ACACB: variants seen among roughly 807,000 people sequenced by gnomAD.
The protein encoded by ACACB is acetyl-CoA carboxylase beta, also known as acetyl-CoA carboxylase 2.
ACACB carries 209 observed loss-of-function variants against 278.8 expected under a neutral mutation model. The observed-to-expected ratio is 0.75, with a 90% CI of 0.67 to 0.84. ACACB has a LOEUF of 0.84. Among genes scored for constraint, ACACB ranks in the 40% least tolerant of loss-of-function variants. ACACB has a pLI of 0.00. For missense variants in ACACB, 2,850 were observed against 3,269.0 expected, an observed-to-expected ratio of 0.87 and a Z score of 3.13; for synonymous variants, 1,174 against 1,285.6, an observed-to-expected ratio of 0.91 and a Z score of 1.86.
upstream of ACACB, among the ~76,000 whole-genome samples, chr12:109,113,744 G>A (rs2135910048): frequency 6.6e-6 from 1 of 152,292 alleles, no homozygotes; most frequent in East Asian, 1.9e-4. Flanking sequence ...GTATGCGTGT[G>A]GTGTTGGCTT....
At chr12:109,170,448 G>T (rs867862457) in intron 4 of ACACB, among the ~76,000 whole-genome samples, 1 of 152,108 alleles carries the variant, frequency 6.6e-6, no homozygotes, top group Non-Finnish European at 1.5e-5. Flanking sequence ...AAAACATTGC[G>T]TTATGTTCAG....
intron 1 of ACACB, among the ~76,000 whole-genome samples, chr12:109,124,772 T>C (rs2042637151): frequency 6.6e-6 from 1 of 152,212 alleles, no homozygotes; most frequent in Admixed American, 6.5e-5. Flanking sequence ...TAGAGTGCAG[T>C]GGCACAATCT....
chr12:109,149,028 T>C (rs1216102341), intron 2 of ACACB, among the ~76,000 whole-genome samples: 1 of 152,190 alleles, frequency 6.6e-6, no homozygotes, highest in East Asian at 1.9e-4. Context: ...TCTCACTTCC[T>C]AGATAGGAAG....
chr12:109,188,440 TC>T (rs1264858329), intron 13 of ACACB, among the ~76,000 whole-genome samples: 2 of 130,694 alleles, frequency 1.5e-5, no homozygotes, highest in African/African-American at 5.8e-5. Flanking sequence ...CTCCTCCCCT[TC>T]CCTTCTTTCC....
At position 109,179,106 on chromosome 12, in the gene ACACB, G is replaced by C; in HGVS notation, c.1456G>C (p.Gly486Arg). The change falls in exon 10 of 53, where the codon GGC (glycine) becomes CGC (arginine). Residue 486 changes from glycine to arginine, a missense_variant. Physicochemically the swap from Gly to Arg is moderately radical, Grantham distance 125. Transcript: ENST00000338432. ...CCGACAGGTACAGAGTGAGATCCCA[G>C]GCTCGCCCATCTTTCTCATGAAGCT... Reference protein sequence around the residue: ...LFRQVQSEIPGSPIFLMKLAQ... With the variant: ...LFRQVQSEIPRSPIFLMKLAQ... 1 of 1,613,296 alleles carries C rather than the reference G, an allele frequency of 6.2e-7. No homozygotes were observed. The highest frequency in any genetic ancestry group is 8.5e-7 in the Non-Finnish European group (1 of 1,179,642).
intron 24 of ACACB, among the ~76,000 whole-genome samples, chr12:109,220,284 G>T (rs765692777): frequency 2.6e-5 from 4 of 152,292 alleles, no homozygotes; most frequent in Non-Finnish European, 5.9e-5. Flanking sequence ...GGTCCCATTT[G>T]TTAGAAAATA....
chr12:109,144,750 CTTTCTTTTTTTT>C (rs1191436156), intron 2 of ACACB, among the ~76,000 whole-genome samples: 274 of 86,792 alleles, frequency 3.2e-3, no homozygotes, highest in African/African-American at 0.012. Context: ...TTCTTTCTTT[CTTTCTTTTTTTT>C]TTTTTTTTTT....
At chr12:109,180,588 G>A (rs1019221424) in intron 11 of ACACB, among the ~76,000 whole-genome samples, 6 of 151,960 alleles carry the variant, frequency 3.9e-5, no homozygotes, top group Non-Finnish European at 8.8e-5. Flanking sequence ...TTTTAATTTT[G>A]ATGGGTATAT....
rs745338655 is a variant in ACACB at position 109,199,421 on chromosome 12, A to C, written c.2647A>C (p.Asn883His). 2.6e-6 allele frequency: 4 copies of C among 1,522,462 alleles called. No individual in the cohort carries two copies. The highest frequency in any genetic ancestry group is 2.6e-5 in the South Asian group (2 of 76,210). 94.3% of individuals were successfully genotyped at this position (1,522,462 alleles called of 1,614,324 possible). Residue 883 changes from asparagine to histidine, a missense_variant, in exon 18 of 53, where the codon AAT becomes CAT. Physicochemically the swap from Asn to His is moderately conservative, Grantham distance 68. Coordinates refer to ENST00000338432, the MANE Select transcript of ACACB (RefSeq NM_001093.4). ...TCCCAGTTACCGAATTACCATCGGC[A>C]ATAAGACGTGTGTGTTTGAGAAGGA... Reference protein sequence around the residue: ...EVDSYRITIGNKTCVFEKEND... With the variant: ...EVDSYRITIGHKTCVFEKEND...
At position 109,266,377 on chromosome 12, in the gene ACACB, G is replaced by C; in HGVS notation, c.*15G>C. On this transcript the variant is annotated 3_prime_UTR_variant, in exon 53 of 53. Coordinates refer to ENST00000338432, the MANE Select transcript of ACACB (RefSeq NM_001093.4). ...CCTCCACCTGACCGTGGCCCGCCCAGCCACTCCCGGGACCACGGCAAAAGG... is the reference window on the plus strand; with the variant it reads ...CCTCCACCTGACCGTGGCCCGCCCACCCACTCCCGGGACCACGGCAAAAGG... The C allele has an allele frequency of 1.3e-6, 2 of 1,593,098 alleles. No individual in the cohort carries two copies. The highest frequency in any genetic ancestry group is 2.2e-5 in the South Asian group (2 of 89,434).
At chr12:109,152,915 A>C (rs1478256106) in intron 2 of ACACB, among the ~76,000 whole-genome samples, 1 of 151,994 alleles carries the variant, frequency 6.6e-6, no homozygotes, top group Non-Finnish European at 1.5e-5. Context: ...AAGTGCTGGG[A>C]TTACAGGTGT....
At position 109,179,175 on chromosome 12, in the gene ACACB, C is replaced by T. The variant is rs1298675443; in HGVS notation, c.1525C>T (p.Gln509Ter). The change falls in exon 10 of 53, where the codon CAG (glutamine) becomes TAG (stop). Residue 509 changes from glutamine (Q) to a stop codon, truncating the protein, a stop_gained. Coordinates refer to ENST00000338432, the MANE Select transcript of ACACB (RefSeq NM_001093.4). LOFTEE classifies it high-confidence loss of function. ...RHLEVQILAD[Q>*]YGNAVSLFGR... ...CCTGGAAGTTCAGATCCTCGCTGAC[C>T]AGTATGGGAATGCTGTGTCTCTGTT... 2 of 1,614,120 alleles carry T rather than the reference C, an allele frequency of 1.2e-6. No homozygotes were observed. The highest frequency in any genetic ancestry group is 1.3e-5 in the African/African-American group (1 of 75,048).
chr12:109,266,510 C>A lies in ACACB; in HGVS notation c.*148C>A. On this transcript the variant is annotated 3_prime_UTR_variant, in exon 53 of 53. Transcript: ENST00000338432. ...CAGGGCTGCTGGTTCCGAGCTGACA[C>A]CCGTCTTAACAAAAGGCCCAGGAGT... 1 of 1,034,036 alleles carries A rather than the reference C, an allele frequency of 9.7e-7. No individual in the cohort carries two copies. The highest frequency in any genetic ancestry group is 1.3e-6 in the Non-Finnish European group (1 of 762,792). The allele number at this position is 1,034,036 out of a possible 1,614,324, so 64.1% of individuals were successfully genotyped here.
chr12:109,156,587 GTTTTT>G (rs10616119), intron 2 of ACACB, among the ~76,000 whole-genome samples: 4 of 131,696 alleles, frequency 3.0e-5, no homozygotes, highest in South Asian at 2.4e-4. Context: ...GTTTCTCTCT[GTTTTT>G]TTTTTTTTTT....
intron 1 of ACACB, among the ~76,000 whole-genome samples, chr12:109,120,159 T>A (rs1282106028): frequency 6.6e-6 from 1 of 152,124 alleles, no homozygotes; most frequent in Non-Finnish European, 1.5e-5. Flanking sequence ...ATTTCCATAC[T>A]CCCCACAAAG....
At chr12:109,197,921 G>A (rs897183110) in intron 17 of ACACB, among the ~76,000 whole-genome samples, 24 of 152,036 alleles carry the variant, frequency 1.6e-4, no homozygotes, top group African/African-American at 5.8e-4. Flanking sequence ...TTGAGAGAGG[G>A]TCTCGCTCTG....
intron 16 of ACACB, among the ~76,000 whole-genome samples, chr12:109,194,822 A>T (rs2136300190): frequency 6.6e-6 from 1 of 152,216 alleles, no homozygotes; most frequent in South Asian, 2.1e-4. Context: ...TGAATTTTGG[A>T]GGATATTATT....
chr12:109,155,201 G>A (rs74854241), intron 2 of ACACB, among the ~76,000 whole-genome samples: 1,601 of 152,258 alleles, frequency 0.011, 19 homozygotes, highest in African/African-American at 0.037. Flanking sequence ...GCACACAGGT[G>A]CCTAAAGATC....
At chr12:109,196,973 GAACCCA>G in intron 16 of ACACB, 29 bp from the exon 17 acceptor site, 1 of 1,517,604 alleles carries the variant, frequency 6.6e-7, no homozygotes, top group Non-Finnish European at 8.8e-7. Flanking sequence ...AGCACATCCT[GAACCCA>G]GGCGGTGACA....
Sources: gnomAD v4.1 joint callset for allele counts (sites outside exome capture counted in the v4.1 genomes callset) on GRCh38, gnomAD v4.1.1 for gene constraint, MANE v1.5 for transcripts, NCBI Gene and HGNC (gene_info 2026-07-23, HGNC 2026-07-21) for gene names.